TXNRD1: variants seen among roughly 807,000 people sequenced by gnomAD.
The protein encoded by TXNRD1 is thioredoxin reductase 1, cytoplasmic.
A neutral mutation model predicts 80.3 loss-of-function variants in TXNRD1; 57 were observed. The ratio of observed to expected loss-of-function variants is 0.71; its 90% confidence interval spans 0.57 to 0.89. The LOEUF (loss-of-function observed/expected upper bound fraction) is 0.89, where lower values mean the gene tolerates loss of function less well. TXNRD1 is among the 40% of genes least tolerant of loss of function. The probability of loss-of-function intolerance (pLI) is 0.00; values close to 1 mark genes in which losing one functional copy is unlikely to be tolerated. For synonymous variants in TXNRD1, 291 were observed against 285.2 expected (o/e 1.02, Z -0.20); for missense variants, 730 against 803.0 (o/e 0.91, Z 1.10).
At chr12:104,317,201 A>G (rs775360957) in intron 7 of TXNRD1, among the ~76,000 whole-genome samples, 3 of 152,108 alleles carry the variant, frequency 2.0e-5, no homozygotes, top group Admixed American at 6.5e-5. Context: ...TGAGCTATAT[A>G]CTATTCTATT....
At chr12:104,347,325 CTT>C (rs2036525775) in intron 16 of TXNRD1, among the ~76,000 whole-genome samples, 1 of 152,104 alleles carries the variant, frequency 6.6e-6, no homozygotes, top group South Asian at 2.1e-4. Flanking sequence ...AGACTAAAGA[CTT>C]TTCTCAGTAT....
At chr12:104,229,366 T>C (rs2032559415) in intron 1 of TXNRD1, among the ~76,000 whole-genome samples, 1 of 151,910 alleles carries the variant, frequency 6.6e-6, no homozygotes, top group Non-Finnish European at 1.5e-5. Context: ...CAGGCTGGTC[T>C]TGAACTCCTG....
At chr12:104,261,145 T>C (rs1476688059) in intron 3 of TXNRD1, among the ~76,000 whole-genome samples, 1 of 152,034 alleles carries the variant, frequency 6.6e-6, no homozygotes, top group African/African-American at 2.4e-5. Context: ...CCAGTTATAC[T>C]TCCCTTGCTC....
chr12:104,342,840 C>T (rs995710711), intron 16 of TXNRD1, among the ~76,000 whole-genome samples: 1 of 151,990 alleles, frequency 6.6e-6, no homozygotes, highest in Non-Finnish European at 1.5e-5. Context: ...ACCGTGGAAG[C>T]GGGACTGAGC....
intron 16 of TXNRD1, 132 bp downstream of exon 16, chr12:104,339,405 A>G: frequency 7.6e-7 from 1 of 1,319,668 alleles, no homozygotes; most frequent in African/African-American, 1.4e-5. Context: ...CTTTGTCTCT[A>G]AAAATTAGTT....
chr12:104,245,029 A>T (rs2032947223), intron 1 of TXNRD1, among the ~76,000 whole-genome samples: 1 of 152,218 alleles, frequency 6.6e-6, no homozygotes, highest in Admixed American at 6.6e-5. Flanking sequence ...AGTTAACATG[A>T]TTGATCCTAA....
chr12:104,313,197 T>A (rs1186466380), intron 5 of TXNRD1, 48 bp from the exon 6 acceptor site: 2 of 1,452,748 alleles, frequency 1.4e-6, no homozygotes, highest in Non-Finnish European at 1.9e-6. Context: ...CCATTTCCAA[T>A]CTGTCATGTT....
At chr12:104,250,057 G>A (rs1410071470) in intron 1 of TXNRD1, among the ~76,000 whole-genome samples, 5 of 152,128 alleles carry the variant, frequency 3.3e-5, no homozygotes, top group Admixed American at 1.3e-4. Context: ...TATCAGTCTA[G>A]GTGTAGTGAC....
intron 1 of TXNRD1, among the ~76,000 whole-genome samples, chr12:104,243,012 A>G (rs1378188557): frequency 6.6e-6 from 1 of 152,220 alleles, no homozygotes; most frequent in Non-Finnish European, 1.5e-5. Flanking sequence ...CTAAGGTTTA[A>G]TCTTAACCTT....
intron 3 of TXNRD1, among the ~76,000 whole-genome samples, chr12:104,277,162 C>T (rs1025995827): frequency 1.3e-4 from 20 of 149,668 alleles, no homozygotes; most frequent in Admixed American, 4.1e-4. Context: ...GAGGCCGAGG[C>T]GGGTGGATCA....
chr12:104,294,176 C>T (rs2034339130), intron 4 of TXNRD1, among the ~76,000 whole-genome samples: 2 of 142,456 alleles, frequency 1.4e-5, no homozygotes, highest in African/African-American at 5.2e-5. Context: ...TGACTGATGT[C>T]AGGCCCTCCA....
chr12:104,321,328 T>G lies in TXNRD1; in HGVS notation c.1215+12T>G. 1 of 1,607,694 alleles carries G rather than the reference T, an allele frequency of 6.2e-7. No individual in the cohort carries two copies. Among genetic ancestry groups the G allele is most frequent in the East Asian group, 2.2e-5 (1 of 44,854 alleles). ...TCGTACCAATTAAAGTAAGTGGGTT[T>G]GCCTGTAGGTTTCTTGATTCTACAT... On this transcript the variant is annotated intron_variant, in intron 10 of 16. Coordinates refer to ENST00000525566, the MANE Select transcript of TXNRD1 (RefSeq NM_001093771.3).
At chr12:104,263,462 G>T (rs994126780) in intron 3 of TXNRD1, among the ~76,000 whole-genome samples, 6 of 152,064 alleles carry the variant, frequency 3.9e-5, no homozygotes, top group African/African-American at 1.2e-4. Context: ...GTGGTGGTGT[G>T]TTTGGTGGCA....
intron 1 of TXNRD1, among the ~76,000 whole-genome samples, chr12:104,247,568 G>C (rs2033020827): frequency 6.6e-6 from 1 of 152,130 alleles, no homozygotes; most frequent in Non-Finnish European, 1.5e-5. Flanking sequence ...TGATGATTTT[G>C]ATTACAGTTA....
intron 1 of TXNRD1, among the ~76,000 whole-genome samples, chr12:104,250,998 C>T (rs1037708612): frequency 2.0e-5 from 3 of 152,124 alleles, no homozygotes; most frequent in East Asian, 1.9e-4. Flanking sequence ...GAAAATAATT[C>T]GCAGTAAGTA....
intron 15 of TXNRD1, among the ~76,000 whole-genome samples, chr12:104,338,883 A>G (rs182636617): frequency 6.6e-6 from 1 of 151,684 alleles, no homozygotes; most frequent in Non-Finnish European, 1.5e-5. Flanking sequence ...CGCCCGGCTA[A>G]TTTTTTGTAT....
chr12:104,292,768 C>T (rs996958265), intron 4 of TXNRD1, among the ~76,000 whole-genome samples: 1 of 152,070 alleles, frequency 6.6e-6, no homozygotes, highest in Non-Finnish European at 1.5e-5. Context: ...GTTTGAGACG[C>T]TTTAATATTA....
intron 14 of TXNRD1, among the ~76,000 whole-genome samples, chr12:104,332,130 A>G (rs1201769280): frequency 2.0e-5 from 3 of 152,194 alleles, no homozygotes; most frequent in Admixed American, 6.5e-5. Flanking sequence ...TACCATTAGT[A>G]CTACTTGTTT....
intron 4 of TXNRD1, among the ~76,000 whole-genome samples, chr12:104,290,162 G>A (rs1009810596): frequency 6.6e-6 from 1 of 152,190 alleles, no homozygotes; most frequent in African/African-American, 2.4e-5. Flanking sequence ...AATATATTTA[G>A]ATGTGTTGCA....
Sources: allele counts gnomAD v4.1 joint callset (sites outside exome capture counted in the v4.1 genomes callset), GRCh38; gene constraint gnomAD v4.1.1; transcripts MANE v1.5; gene names NCBI Gene and HGNC (gene_info 2026-07-23, HGNC 2026-07-21).